CSRP3: variants seen among roughly 807,000 people sequenced by gnomAD.
CSRP3 encodes the protein cysteine and glycine rich protein 3, also known as cysteine and glycine-rich protein 3.
CSRP3 carries 24 observed loss-of-function variants against 24.3 expected under a neutral mutation model. The observed-to-expected ratio is 0.99, with a 90% CI of 0.71 to 1.39. The LOEUF (loss-of-function observed/expected upper bound fraction) is 1.39, where lower values mean the gene tolerates loss of function less well. Ranked by LOEUF, CSRP3 falls within the 40% of genes most tolerant of loss-of-function variation. CSRP3 has a pLI of 0.00. For missense variants in CSRP3, 240 were observed against 249.0 expected (o/e 0.96, Z 0.24); for synonymous variants, 105 against 94.0 (o/e 1.12, Z -0.68).
At chr11:19,190,741 G>A (rs191812245) in intron 2 of CSRP3, among the ~76,000 whole-genome samples, 2 of 152,216 alleles carry the variant, frequency 1.3e-5, no homozygotes, top group East Asian at 1.9e-4. Flanking sequence ...AGTTGCCTGC[G>A]GACAGACAGG....
intron 1 of CSRP3, 98 bp from the exon 2 acceptor site, chr11:19,192,574 T>A (rs898726208): frequency 7.7e-5 from 54 of 701,334 alleles, no homozygotes; most frequent in Non-Finnish European, 1.2e-4. Flanking sequence ...TCCAGCCCAA[T>A]TTTTTTTTAG....
intron 5 of CSRP3, among the ~76,000 whole-genome samples, chr11:19,183,061 G>C (rs1850464024): frequency 6.6e-6 from 1 of 152,118 alleles, no homozygotes; most frequent in African/African-American, 2.4e-5. Flanking sequence ...GGGAGGCTGA[G>C]GCAGGAGAAT....
intron 4 of CSRP3, 115 bp from the exon 5 acceptor site, chr11:19,185,160 C>T: frequency 1.3e-6 from 1 of 773,532 alleles, no homozygotes; most frequent in South Asian, 1.4e-5. Flanking sequence ...CATTTGCTTA[C>T]CTAATGGGCC....
chr11:19,187,598 T>C (rs1238591302), intron 3 of CSRP3, among the ~76,000 whole-genome samples: 1 of 152,236 alleles, frequency 6.6e-6, no homozygotes, highest in African/African-American at 2.4e-5. Flanking sequence ...TGGCGGGAAC[T>C]CTAGCACTGT....
In CSRP3 at chr11:19,196,271, GTAAA is replaced by G. The variant is rs928325135; in HGVS notation, c.-28-3799_-28-3796del. 3.3e-5 allele frequency among the ~76,000 whole-genome samples: 5 copies of G among 152,174 alleles called. No homozygotes were observed. In the South Asian group the frequency reaches 6.2e-4, roughly 19 times the overall value. ...AGTGAGACTCCATCTGAAAAAATAA[GTAAA>G]TAAATAAATAAAAAGGCATTCGGAA... On this transcript the variant is annotated intron_variant, in intron 1 of 5. Coordinates refer to ENST00000265968, the MANE Select transcript of CSRP3 (RefSeq NM_003476.5).
chr11:19,182,781 GCATTGGTTAGTGC>G (rs1368735054), intron 5 of CSRP3, 35 bp from the exon 6 acceptor site: 1 of 1,467,196 alleles, frequency 6.8e-7, no homozygotes, highest in East Asian at 2.3e-5. Context: ...GAGAGACAAT[GCATTGGTTAGTGC>G]CATTTTTTTC....
intron 1 of CSRP3, among the ~76,000 whole-genome samples, chr11:19,193,869 A>T (rs117325392): frequency 6.6e-6 from 1 of 152,258 alleles, no homozygotes; most frequent in Non-Finnish European, 1.5e-5. Context: ...TCATCTGCAT[A>T]TGTTTTTAGT....
In CSRP3 at chr11:19,199,426, G is replaced by A. The variant is rs113948484; in HGVS notation, c.-29+2528C>T. On this transcript the variant is annotated intron_variant, in intron 1 of 5. Transcript: ENST00000265968. ...AGACATACATTAAATGAAGGCTGTAGAACATGGGCATCTTACACCTTTTGT... is the reference window on the plus strand; with the variant it reads ...AGACATACATTAAATGAAGGCTGTAAAACATGGGCATCTTACACCTTTTGT... Among the ~76,000 whole-genome samples, 109 of 152,316 alleles carry A rather than the reference G, an allele frequency of 7.2e-4. 1 individual carries two copies. Among genetic ancestry groups the A allele is most frequent in the African/African-American group, 2.6e-3 (107 of 41,566 alleles).
rs760049800 is a variant in CSRP3 at position 19,192,463 on chromosome 11, G to A, written c.-15C>T. The A allele has an allele frequency of 1.9e-6, 3 of 1,598,264 alleles. No homozygotes were observed. The highest frequency in any genetic ancestry group is 2.6e-6 in the Non-Finnish European group (3 of 1,165,574). On this transcript the variant is annotated 5_prime_UTR_variant, in exon 2 of 6. Coordinates refer to ENST00000265968, the MANE Select transcript of CSRP3 (RefSeq NM_003476.5). ...CAGTTTGGCATCTTGAAGACTATCT[G>A]GTCAAGGTCAAGTCTAAGGGGACAT...
At chr11:19,197,524 T>TTTCTTTCTTTCC (rs1850752864) in intron 1 of CSRP3, among the ~76,000 whole-genome samples, 1 of 126,704 alleles carries the variant, frequency 7.9e-6, no homozygotes, top group Non-Finnish European at 1.6e-5. Flanking sequence ...TCTTTCTTTC[T>TTTCTTTCTTTCC]TTCTTTCTTT....
intron 1 of CSRP3, among the ~76,000 whole-genome samples, chr11:19,200,218 C>T (rs894050940): frequency 6.6e-6 from 1 of 152,178 alleles, no homozygotes; most frequent in Non-Finnish European, 1.5e-5. Flanking sequence ...TCTCACAAGT[C>T]CCTTTGATAG....
intron 3 of CSRP3, among the ~76,000 whole-genome samples, chr11:19,187,391 T>G (rs1320617692): frequency 6.6e-6 from 1 of 152,214 alleles, no homozygotes; most frequent in Non-Finnish European, 1.5e-5. Flanking sequence ...TTGGTTGGGC[T>G]GGGCCTTTCT....
intron 1 of CSRP3, among the ~76,000 whole-genome samples, chr11:19,198,786 T>C (rs942364908): frequency 1.3e-5 from 2 of 152,214 alleles, no homozygotes; most frequent in African/African-American, 4.8e-5. Flanking sequence ...ACTGGGCAAG[T>C]TGCTCAAATT....
intron 1 of CSRP3, among the ~76,000 whole-genome samples, chr11:19,192,841 G>T (rs1402183855): frequency 6.6e-6 from 1 of 151,728 alleles, no homozygotes; most frequent in Non-Finnish European, 1.5e-5. Flanking sequence ...TATCCCATCA[G>T]AACTGGGAAT....
chr11:19,182,511 G>T lies in CSRP3; in HGVS notation c.*159C>A, dbSNP rs886048095. ...AACTTTACATAATTTTCTTCCAAAGGCCTCTTCTAACATTCAGTAAAGACC... is the reference window on the plus strand; with the variant it reads ...AACTTTACATAATTTTCTTCCAAAGTCCTCTTCTAACATTCAGTAAAGACC... On this transcript the variant is annotated 3_prime_UTR_variant, in exon 6 of 6. Coordinates refer to ENST00000265968, the MANE Select transcript of CSRP3 (RefSeq NM_003476.5). 1.7e-5 allele frequency: 12 copies of T among 709,820 alleles called. No homozygotes were observed. Among genetic ancestry groups the T allele is most frequent in the East Asian group, 2.5e-5 (1 of 39,226 alleles). 44.0% of individuals were successfully genotyped at this position (709,820 alleles called of 1,614,324 possible). A position where few individuals can be genotyped will look rare whatever the true frequency, so the allele number is the denominator to read the frequency against.
In CSRP3 at chr11:19,182,438, C is replaced by T; in HGVS notation, c.*232G>A. ...TAGCACTAAAACATTTATTTATTGCCTCTCCCATTCCAAGCATTATAAATA... is the reference window on the plus strand; with the variant it reads ...TAGCACTAAAACATTTATTTATTGCTTCTCCCATTCCAAGCATTATAAATA... On this transcript the variant is annotated 3_prime_UTR_variant, in exon 6 of 6. Transcript: ENST00000265968. The T allele has an allele frequency of 1.7e-6, 1 of 579,612 alleles. No individual in the cohort carries two copies. Among genetic ancestry groups the T allele is most frequent in the South Asian group, 2.1e-5 (1 of 46,874 alleles). The allele number at this position is 579,612 out of a possible 1,614,324, so 35.9% of individuals were successfully genotyped here. A position where few individuals can be genotyped will look rare whatever the true frequency, so the allele number is the denominator to read the frequency against.
At chr11:19,198,670 C>G (rs1290062179) in intron 1 of CSRP3, among the ~76,000 whole-genome samples, 1 of 152,212 alleles carries the variant, frequency 6.6e-6, no homozygotes, top group Admixed American at 6.5e-5. Flanking sequence ...CTCAAACCCT[C>G]TCCTTTATTC....
At chr11:19,198,156 T>C (rs1319645523) in intron 1 of CSRP3, among the ~76,000 whole-genome samples, 2 of 152,228 alleles carry the variant, frequency 1.3e-5, no homozygotes, top group Admixed American at 1.3e-4. Context: ...GAGCAAATTT[T>C]ATTTCCATTT....
At chr11:19,182,796 AT>A (rs749611828) in intron 5 of CSRP3, 50 bp from the exon 6 acceptor site, 6 of 1,293,538 alleles carry the variant, frequency 4.6e-6, no homozygotes, top group South Asian at 1.2e-5. Context: ...GGTTAGTGCC[AT>A]TTTTTTCAGG....
Sources: gnomAD v4.1 joint callset for allele counts (sites outside exome capture counted in the v4.1 genomes callset) on GRCh38, gnomAD v4.1.1 for gene constraint, MANE v1.5 for transcripts, NCBI Gene and HGNC (gene_info 2026-07-23, HGNC 2026-07-21) for gene names.